The following CNOT2 variants were observed in gnomAD, a reference collection of about 807,000 sequenced individuals.
The protein encoded by CNOT2 is CC chemokine receptor 4-negative regulator of transcription 2.
In CNOT2, 7 loss-of-function variants were observed where a neutral mutation model predicts 72.1. The observed-to-expected ratio is 0.10, with a 90% confidence interval of 0.06 to 0.18. CNOT2 has a LOEUF of 0.18. Among genes scored for constraint, CNOT2 ranks in the 10% least tolerant of loss-of-function variants. CNOT2 has a pLI of 1.00. For synonymous variants in CNOT2, 196 were observed against 225.6 expected (o/e 0.87, Z 1.17); for missense variants, 345 against 660.3 (o/e 0.52, Z 5.23).
chr12:70,268,739 G>A (rs891080003), intron 1 of CNOT2, among the ~76,000 whole-genome samples: 12 of 152,072 alleles, frequency 7.9e-5, no homozygotes, highest in Non-Finnish European at 1.6e-4. Flanking sequence ...GGGATTACAG[G>A]TGTGAGCCAC....
intron 2 of CNOT2, among the ~76,000 whole-genome samples, chr12:70,304,776 A>T (rs935052803): frequency 2.0e-4 from 30 of 152,212 alleles, no homozygotes; most frequent in African/African-American, 7.0e-4. Flanking sequence ...CCAGAGGTGG[A>T]GCCTACAGAG....
chr12:70,350,956 A>G (rs1391450703), intron 15 of CNOT2, among the ~76,000 whole-genome samples: 1 of 152,210 alleles, frequency 6.6e-6, no homozygotes. Flanking sequence ...ATTTGACTAT[A>G]TGAATCCATT....
intron 1 of CNOT2, among the ~76,000 whole-genome samples, chr12:70,277,718 A>G (rs184663911): frequency 1.8e-4 from 27 of 152,300 alleles, no homozygotes; most frequent in Admixed American, 1.3e-3. Flanking sequence ...ATCATATATA[A>G]TCATTTGGAG....
chr12:70,342,516 C>T (rs747622590), intron 13 of CNOT2: 2 of 560,296 alleles, frequency 3.6e-6, no homozygotes, highest in Non-Finnish European at 6.2e-6. Flanking sequence ...ACAACCATAA[C>T]CGCAGTTGAT....
intron 1 of CNOT2, among the ~76,000 whole-genome samples, chr12:70,263,216 C>T (rs1282799865): frequency 7.0e-6 from 1 of 143,430 alleles, no homozygotes; most frequent in Non-Finnish European, 1.5e-5. Flanking sequence ...CTTGGTAACT[C>T]TTCTTGGATG....
At chr12:70,325,972 A>AAGTG (rs2136007937) in intron 4 of CNOT2, among the ~76,000 whole-genome samples, 1 of 151,984 alleles carries the variant, frequency 6.6e-6, no homozygotes, top group South Asian at 2.1e-4. Context: ...ATTTTGCCAT[A>AAGTG]AGTGTTTAAG....
At chr12:70,332,504 T>C (rs1880109625) in intron 6 of CNOT2, 2 of 311,538 alleles carry the variant, frequency 6.4e-6, no homozygotes, top group Non-Finnish European at 1.1e-5. Flanking sequence ...TGAATCTGTT[T>C]TCCTCAAGGT....
At chr12:70,344,679 A>T (rs1422837945) in intron 14 of CNOT2, 1 of 153,030 alleles carries the variant, frequency 6.5e-6, no homozygotes, top group Non-Finnish European at 1.5e-5. Context: ...GTGAGCTATG[A>T]TTGTGCCATT....
At chr12:70,298,915 A>T (rs1873304981) in intron 2 of CNOT2, among the ~76,000 whole-genome samples, 1 of 152,228 alleles carries the variant, frequency 6.6e-6, no homozygotes, top group Non-Finnish European at 1.5e-5. Context: ...TTAAAAAATC[A>T]CTTTGATGTG....
intron 2 of CNOT2, among the ~76,000 whole-genome samples, chr12:70,299,437 T>C (rs994947696): frequency 4.3e-5 from 6 of 139,126 alleles, no homozygotes; most frequent in Non-Finnish European, 7.6e-5. Flanking sequence ...TGTGTTCTCA[T>C]TGTTCAATTC....
intron 2 of CNOT2, among the ~76,000 whole-genome samples, chr12:70,300,028 G>C (rs562153618): frequency 3.7e-4 from 56 of 152,276 alleles, no homozygotes; most frequent in African/African-American, 1.3e-3. Flanking sequence ...GTCTTCTTTT[G>C]AGAAGTGTCT....
intron 1 of CNOT2, among the ~76,000 whole-genome samples, chr12:70,275,228 T>C (rs1868567025): frequency 6.6e-6 from 1 of 152,154 alleles, no homozygotes. Context: ...ATGAGAAGTC[T>C]GATGTCATTC....
intron 2 of CNOT2, among the ~76,000 whole-genome samples, chr12:70,299,237 T>C (rs1182324369): frequency 6.6e-6 from 1 of 152,114 alleles, no homozygotes. Flanking sequence ...TTTATTATTA[T>C]TATACTTTAA....
At chr12:70,318,126 T>G (rs1877669979) in intron 3 of CNOT2, among the ~76,000 whole-genome samples, 1 of 152,042 alleles carries the variant, frequency 6.6e-6, no homozygotes, top group African/African-American at 2.4e-5. Flanking sequence ...GTTTAGTATC[T>G]CAGCATATCC....
At position 70,335,539 on chromosome 12, in the gene CNOT2, C is replaced by T; in HGVS notation, c.751C>T (p.Pro251Ser). ...GSGNPTPLIN[P>S]LAGRAPYVGM... ...TGGTAACCCAACTCCATTAATAAAC[C>T]CCTTGGCTGGAAGAGCTCCTTATGG... Residue 251 changes from proline (P) to serine (S), a missense_variant, in exon 8 of 16, where the codon CCC (proline) becomes TCC (serine). Coordinates refer to ENST00000229195, the MANE Select transcript of CNOT2 (RefSeq NM_014515.7). 6.2e-7 allele frequency: 1 copy of T among 1,610,566 alleles called. No homozygotes were observed. Among genetic ancestry groups the T allele is most frequent in the Non-Finnish European group, 8.5e-7 (1 of 1,177,240 alleles).
intron 2 of CNOT2, among the ~76,000 whole-genome samples, chr12:70,289,429 AT>A (rs576023927): frequency 2.0e-5 from 3 of 151,698 alleles, no homozygotes; most frequent in Non-Finnish European, 2.9e-5. Context: ...TGTCGGTATA[AT>A]TTTTTTTATG....
In CNOT2 at chr12:70,314,081, G is replaced by C. The variant is rs186306956; in HGVS notation, c.171+3064G>C. On this transcript the variant is annotated intron_variant, in intron 3 of 15. Coordinates refer to ENST00000229195, the MANE Select transcript of CNOT2 (RefSeq NM_014515.7). ...ATCAATATAGATGGTTTTTCGGAAG[G>C]ATATTTCTCCCTTTAATCTTGTTCT... Among the ~76,000 whole-genome samples, 178 of 152,230 alleles carry C rather than the reference G, an allele frequency of 1.2e-3. 1 individual carries two copies. Among genetic ancestry groups the C allele is most frequent in the Admixed American group, 4.5e-3 (69 of 15,284 alleles).
chr12:70,309,393 G>A (rs1183436545), intron 2 of CNOT2, among the ~76,000 whole-genome samples: 2 of 152,142 alleles, frequency 1.3e-5, no homozygotes, highest in Non-Finnish European at 2.9e-5. Flanking sequence ...ACCTCAGGAG[G>A]AAAGACAGTC....
chr12:70,281,987 G>A (rs1226776227), intron 2 of CNOT2, among the ~76,000 whole-genome samples: 2 of 151,288 alleles, frequency 1.3e-5, no homozygotes, highest in Admixed American at 6.6e-5. Context: ...GCAGAAAATC[G>A]TATTAGATAA....
Sources: gnomAD v4.1 joint callset for allele counts (sites outside exome capture counted in the v4.1 genomes callset) on GRCh38, gnomAD v4.1.1 for gene constraint, MANE v1.5 for transcripts, NCBI Gene and HGNC (gene_info 2026-07-23, HGNC 2026-07-21) for gene names.